Variants in POLR1A observed in about 807,000 individuals in gnomAD.
POLR1A encodes the protein RNA polymerase I subunit A, also known as DNA-directed RNA polymerase I subunit RPA1.
In POLR1A, 84 loss-of-function variants were observed where a neutral mutation model predicts 205.3. The ratio of observed to expected loss-of-function variants is 0.41; its 90% confidence interval spans 0.34 to 0.49. The LOEUF is 0.49. POLR1A is among the 20% of genes least tolerant of loss of function. POLR1A has a pLI of 0.22. For missense variants in POLR1A, 1,645 were observed against 2,204.5 expected, an observed-to-expected ratio of 0.75 and a Z score of 5.08; for synonymous variants, 799 against 863.7, an observed-to-expected ratio of 0.93 and a Z score of 1.31.
chr2:86,028,642 C>T lies in POLR1A; in HGVS notation c.4849G>A (p.Ala1617Thr), dbSNP rs367979854. Residue 1617 changes from alanine (A) to threonine (T), a missense_variant, in exon 32 of 34, where the codon GCG becomes ACG. Physicochemically the swap from Ala to Thr is moderately conservative, Grantham distance 58 (BLOSUM62 0). Transcript: ENST00000263857. This position sits in a 1 kb window ranked among gnomAD's most constrained non-coding sequence, Gnocchi z 4.5. ...ATCTCCTTCTCGATCACCCGCAGCG[C>T]GGCCTCAATGCCATACGTGTTGGCT... The part of the protein sequence containing the change: ...AIANTYGIEA[A>T]LRVIEKEIKD... 21 of 1,614,196 alleles carry T rather than the reference C, an allele frequency of 1.3e-5. No homozygotes were observed. Among genetic ancestry groups the T allele is most frequent in the Admixed American group, 1.7e-5 (1 of 60,030 alleles).
chr2:86,097,214 C>CAAAAAAAAAAAAAACAAAAAAAA (rs1673720365), intron 3 of POLR1A, among the ~76,000 whole-genome samples: 1 of 39,690 alleles, frequency 2.5e-5, no homozygotes. Flanking sequence ...CCCCAAAAGA[C>CAAAAAAAAAAAAAACAAAAAAAA]AAAAAAAAAA....
intron 18 of POLR1A, 107 bp from the exon 19 acceptor site, chr2:86,047,370 C>G (rs749317956): frequency 3.3e-5 from 24 of 734,784 alleles, no homozygotes; most frequent in Admixed American, 1.3e-4. Context: ...AATATTTATT[C>G]AGACCTAAGT....
chr2:86,074,581 A>G (rs894355745), intron 12 of POLR1A, among the ~76,000 whole-genome samples: 3 of 152,252 alleles, frequency 2.0e-5, no homozygotes, highest in Non-Finnish European at 2.9e-5. Flanking sequence ...ACTATGGGCT[A>G]GCATTAGCAA....
chr2:86,104,030 A>G (rs575994152), intron 1 of POLR1A, among the ~76,000 whole-genome samples: 235 of 152,366 alleles, frequency 1.5e-3, no homozygotes, highest in Non-Finnish European at 2.7e-3. Context: ...TAAAATCAGC[A>G]TTGGTCTGAT....
intron 11 of POLR1A, among the ~76,000 whole-genome samples, chr2:86,077,380 T>C (rs1056834578): frequency 9.2e-5 from 14 of 152,198 alleles, no homozygotes; most frequent in Non-Finnish European, 1.5e-4. Context: ...CACGCCTCTC[T>C]CCGGGACTCA....
At chr2:86,050,610 C>T (rs1306268690) in intron 16 of POLR1A, among the ~76,000 whole-genome samples, 1 of 152,216 alleles carries the variant, frequency 6.6e-6, no homozygotes, top group Admixed American at 6.5e-5. Context: ...ACTCAAGGGA[C>T]CAACTGCTCT....
chr2:86,078,790 T>C (rs1373266092), intron 9 of POLR1A, among the ~76,000 whole-genome samples: 8 of 152,256 alleles, frequency 5.3e-5, no homozygotes, highest in Non-Finnish European at 1.2e-4. Flanking sequence ...TGTCATCAAC[T>C]AAGATGTGGG....
rs926802109 is a variant in POLR1A at position 86,025,376 on chromosome 2, C to T, written c.*2047G>A. 2 of 152,206 alleles carry T rather than the reference C, an allele frequency of 1.3e-5. No individual in the cohort carries two copies. The highest frequency in any genetic ancestry group is 4.8e-5 in the African/African-American group (2 of 41,448). The allele number at this position is 152,206 out of a possible 1,614,324, so 9.4% of individuals were successfully genotyped here. On this transcript the variant is annotated 3_prime_UTR_variant, in exon 34 of 34. Coordinates refer to ENST00000263857, the MANE Select transcript of POLR1A (RefSeq NM_015425.6). ...TGCCAAGGCCACTCTCAGAGGCTTCCGAGCATAGAGAACCACCAAAGTGAG... is the reference window on the plus strand; with the variant it reads ...TGCCAAGGCCACTCTCAGAGGCTTCTGAGCATAGAGAACCACCAAAGTGAG...
chr2:86,028,717 G>C lies in POLR1A; in HGVS notation c.4780-6C>G, dbSNP rs775872023. 4.1e-5 allele frequency: 66 copies of C among 1,607,260 alleles called. No individual in the cohort carries two copies. The East Asian group carries it at 1.0e-3, about 25-fold the overall frequency. On this transcript the variant is annotated splice_polypyrimidine_tract_variant and splice_region_variant and intron_variant, in intron 31 of 33. Transcript: ENST00000263857. This position sits in a 1 kb window ranked among gnomAD's most constrained non-coding sequence, Gnocchi z 4.5. ...AGGCGGCGCAGATCCAGGACCTGGAGAGAGGAAGGAAGGGATTTATTTAGA... is the reference window on the plus strand; with the variant it reads ...AGGCGGCGCAGATCCAGGACCTGGACAGAGGAAGGAAGGGATTTATTTAGA...
Position 86,077,719 on chromosome 2 carries a change from C to T in POLR1A, c.1380+140G>A. 3 of 1,041,648 alleles carry T rather than the reference C, an allele frequency of 2.9e-6. No homozygotes were observed. The South Asian group carries it at 4.3e-5, about 15-fold the overall frequency. 64.5% of individuals were successfully genotyped at this position (1,041,648 alleles called of 1,614,324 possible). Reference sequence around the variant, plus strand: ...GAGGCAGAAGCTAGTTCCGCCCAAGCCAGAATAATCTGCTGCACATCCTGT... The same window carrying T: ...GAGGCAGAAGCTAGTTCCGCCCAAGTCAGAATAATCTGCTGCACATCCTGT... On this transcript the variant is annotated intron_variant, in intron 11 of 33. Coordinates refer to ENST00000263857, the MANE Select transcript of POLR1A (RefSeq NM_015425.6).
At position 86,054,131 on chromosome 2, in the gene POLR1A, C is replaced by G; in HGVS notation, c.2208+9G>C. Reference sequence around the variant, plus strand: ...GAAGTCTCCACTCCACACAGCTGGACAGCCATACCTGGGACTCGCACATCG... The same window carrying G: ...GAAGTCTCCACTCCACACAGCTGGAGAGCCATACCTGGGACTCGCACATCG... On this transcript the variant is annotated intron_variant, in intron 15 of 33. Coordinates refer to ENST00000263857, the MANE Select transcript of POLR1A (RefSeq NM_015425.6). The G allele has an allele frequency of 6.2e-7, 1 of 1,613,750 alleles. No homozygotes were observed. Among genetic ancestry groups the G allele is most frequent in the Non-Finnish European group, 8.5e-7 (1 of 1,179,682 alleles).
In POLR1A at chr2:86,028,579, G is replaced by C; in HGVS notation, c.4897+15C>G. ...GTGCCCAGACCTCGGGGTGTTATCTGCAAGCTCCCCTTACCATACACGGCA... is the reference window on the plus strand; with the variant it reads ...GTGCCCAGACCTCGGGGTGTTATCTCCAAGCTCCCCTTACCATACACGGCA... On this transcript the variant is annotated intron_variant, in intron 32 of 33. Coordinates refer to ENST00000263857, the MANE Select transcript of POLR1A (RefSeq NM_015425.6). This position sits in a 1 kb window ranked among gnomAD's most constrained non-coding sequence, Gnocchi z 4.5. 1 of 1,594,864 alleles carries C rather than the reference G, an allele frequency of 6.3e-7. No individual in the cohort carries two copies. Among genetic ancestry groups the C allele is most frequent in the Non-Finnish European group, 8.6e-7 (1 of 1,162,480 alleles).
chr2:86,084,219 T>C (rs1292311803), intron 6 of POLR1A, among the ~76,000 whole-genome samples: 1 of 152,058 alleles, frequency 6.6e-6, no homozygotes, highest in Non-Finnish European at 1.5e-5. Context: ...TGAGCGGAGA[T>C]TGTGCCACTG....
chr2:86,045,905 T>C (rs988220544), intron 19 of POLR1A, 136 bp from the exon 20 acceptor site: 2 of 688,748 alleles, frequency 2.9e-6, no homozygotes, highest in Non-Finnish European at 4.8e-6. Context: ...TAACCTACAT[T>C]TCTAAACAAA....
rs150744271 is a variant in POLR1A at position 86,061,171 on chromosome 2, G to GC, written c.2058+4102dup. Among the ~76,000 whole-genome samples, 474 of 152,296 alleles carry GC rather than the reference G, an allele frequency of 3.1e-3. 25 individuals are homozygous for GC. In the East Asian group the frequency reaches 0.078, roughly 25 times the overall value. ...AAAAGAAAACAACAACAACAGCTGG[G>GC]CGAGGTGGCTCATGCTTGTAATCCC... On this transcript the variant is annotated intron_variant, in intron 14 of 33. Transcript: ENST00000263857.
chr2:86,043,800 G>A (rs1391637216), intron 22 of POLR1A, among the ~76,000 whole-genome samples: 3 of 152,166 alleles, frequency 2.0e-5, no homozygotes, highest in African/African-American at 7.2e-5. Context: ...TGCAAAATCG[G>A]CAGAGTAATG....
intron 27 of POLR1A, among the ~76,000 whole-genome samples, chr2:86,034,742 C>T (rs145843901): frequency 7.2e-5 from 11 of 152,108 alleles, no homozygotes; most frequent in African/African-American, 2.2e-4. Context: ...AAAGCAAGGA[C>T]GAAAAGACAG....
intron 31 of POLR1A, among the ~76,000 whole-genome samples, chr2:86,029,970 G>C (rs1475002397): frequency 1.3e-5 from 2 of 152,200 alleles, no homozygotes; most frequent in Non-Finnish European, 2.9e-5. Flanking sequence ...GATAAGTTCA[G>C]CAGGGTGCTT....
intron 1 of POLR1A, among the ~76,000 whole-genome samples, chr2:86,105,340 C>A (rs773537438): frequency 2.6e-5 from 4 of 152,190 alleles, no homozygotes; most frequent in Non-Finnish European, 5.9e-5. Flanking sequence ...AATCATTTTA[C>A]AAACAAGAGG....
Sources: gnomAD v4.1 joint callset for allele counts (sites outside exome capture counted in the v4.1 genomes callset) on GRCh38, gnomAD v4.1.1 for gene constraint, Gnocchi (gnomAD v3.1) non-coding constraint, MANE v1.5 for transcripts, NCBI Gene and HGNC (gene_info 2026-07-23, HGNC 2026-07-21) for gene names.